Variants in PREX2 observed in about 807,000 individuals in gnomAD.
The protein encoded by PREX2 is phosphatidylinositol-3,4,5-trisphosphate dependent Rac exchange factor 2.
PREX2 carries 107 observed loss-of-function variants against 203.2 expected under a neutral mutation model. The ratio of observed to expected loss-of-function variants is 0.53; its 90% CI spans 0.45 to 0.62. The LOEUF (loss-of-function observed/expected upper bound fraction) is 0.62, where lower values mean the gene tolerates loss of function less well. PREX2 is among the 20% of genes least tolerant of loss of function. The pLI is 0.00. For synonymous variants in PREX2, 672 were observed against 663.6 expected (o/e 1.01, Z -0.19); for missense variants, 1,777 against 1,955.9 (o/e 0.91, Z 1.72).
intron 19 of PREX2, among the ~76,000 whole-genome samples, chr8:68,089,134 C>T (rs1408534470): frequency 6.6e-6 from 1 of 151,934 alleles, no homozygotes; most frequent in Non-Finnish European, 1.5e-5. Flanking sequence ...CCCTGCCTCC[C>T]ACCCTCAGCT....
chr8:68,056,723 C>T (rs1467603941), intron 10 of PREX2, among the ~76,000 whole-genome samples: 2 of 152,162 alleles, frequency 1.3e-5, no homozygotes, highest in African/African-American at 4.8e-5. Flanking sequence ...GATACAGAAA[C>T]TCTGGATCAG....
At chr8:68,183,496 A>G (rs988526167) in intron 35 of PREX2, among the ~76,000 whole-genome samples, 8 of 152,172 alleles carry the variant, frequency 5.3e-5, no homozygotes, top group African/African-American at 1.9e-4. Context: ...CCATGGAGAT[A>G]ATATTCCCTA....
At chr8:68,014,544 G>A (rs140488265) in intron 1 of PREX2, among the ~76,000 whole-genome samples, 1 of 152,206 alleles carries the variant, frequency 6.6e-6, no homozygotes, top group East Asian at 1.9e-4. Context: ...CTACCCTTCA[G>A]AGATTATTGT....
chr8:68,204,678 CTTTTTTTTTTT>C (rs1192583427), intron 37 of PREX2, among the ~76,000 whole-genome samples: 3 of 83,426 alleles, frequency 3.6e-5, no homozygotes, highest in African/African-American at 5.1e-5. Flanking sequence ...TTTCTTCTTT[CTTTTTTTTTTT>C]TTTTTTTTTT....
At chr8:68,091,292 A>G (rs981344102) in intron 20 of PREX2, among the ~76,000 whole-genome samples, 3 of 151,404 alleles carry the variant, frequency 2.0e-5, no homozygotes, top group African/African-American at 7.2e-5. Flanking sequence ...GTAGAACACT[A>G]TCCTTTGATC....
At chr8:68,140,868 A>G (rs962324827) in intron 33 of PREX2, among the ~76,000 whole-genome samples, 1 of 152,226 alleles carries the variant, frequency 6.6e-6, no homozygotes, top group Non-Finnish European at 1.5e-5. Flanking sequence ...AGCATCGCCT[A>G]TAATCTCACT....
rs761762865 is a variant in PREX2, at chr8:68,120,269, C to T, written c.3578C>T (p.Pro1193Leu). 35 of 1,613,348 alleles carry T rather than the reference C, an allele frequency of 2.2e-5. No individual in the cohort carries two copies. The highest frequency in any genetic ancestry group is 3.0e-5 in the Non-Finnish European group (35 of 1,179,428). Reference sequence around the variant, plus strand: ...TTTGACCAAACCAAGTATCTCACTCCAGGCCGAGGATTGCAAGGTAAGCCT... The same window carrying T: ...TTTGACCAAACCAAGTATCTCACTCTAGGCCGAGGATTGCAAGGTAAGCCT... ...RAFDQTKYLT[P>L]GRGLQEFQQE... Residue 1193 changes from proline (P) to leucine (L), a missense_variant, in exon 29 of 40, where the codon CCA (proline) becomes CTA (leucine). Physicochemically the swap from Pro to Leu is moderately conservative, Grantham distance 98. Coordinates refer to ENST00000288368, the MANE Select transcript of PREX2 (RefSeq NM_024870.4).
At chr8:68,033,160 A>G (rs1807937651) in intron 6 of PREX2, among the ~76,000 whole-genome samples, 1 of 152,192 alleles carries the variant, frequency 6.6e-6, no homozygotes, top group African/African-American at 2.4e-5. Context: ...TTGTTCTACT[A>G]AATTATTTAC....
chr8:68,219,795 G>GCCGATCCACAAGC (rs990779205), intron 38 of PREX2, among the ~76,000 whole-genome samples: 3 of 152,154 alleles, frequency 2.0e-5, no homozygotes, highest in African/African-American at 7.2e-5. Flanking sequence ...GTGGCTGAGG[G>GCCGATCCACAAGC]CCGATCCACA....
chr8:68,030,683 G>A (rs1305207042), intron 6 of PREX2, 25 bp downstream of exon 6: 1 of 1,611,644 alleles, frequency 6.2e-7, no homozygotes, highest in Non-Finnish European at 8.5e-7. Flanking sequence ...CTTGACAATC[G>A]AGCTTAAGAT....
chr8:67,998,998 T>G (rs550112234), intron 1 of PREX2, among the ~76,000 whole-genome samples: 2 of 152,314 alleles, frequency 1.3e-5, no homozygotes, highest in South Asian at 4.1e-4. Context: ...TTGTAACTTA[T>G]GTAGCTTGTT....
At chr8:67,974,848 T>G (rs1405582655) in intron 1 of PREX2, among the ~76,000 whole-genome samples, 1 of 152,226 alleles carries the variant, frequency 6.6e-6, no homozygotes, top group Non-Finnish European at 1.5e-5. Flanking sequence ...ACCTTCTTCA[T>G]GTAAGGATAT....
intron 39 of PREX2, 63 bp downstream of exon 39, chr8:68,224,689 C>A (rs990899021): frequency 1.0e-5 from 13 of 1,245,478 alleles, no homozygotes; most frequent in African/African-American, 1.5e-5. Context: ...CCGGCAGTGT[C>A]CCTCCGCTAA....
chr8:68,207,752 CTT>C (rs1027895620), intron 37 of PREX2, among the ~76,000 whole-genome samples: 4 of 152,072 alleles, frequency 2.6e-5, no homozygotes, highest in African/African-American at 9.7e-5. Flanking sequence ...GCTTCAGTAA[CTT>C]GCCCAAGGTC....
At chr8:68,028,041 G>C (rs1336133187) in intron 5 of PREX2, among the ~76,000 whole-genome samples, 1 of 151,990 alleles carries the variant, frequency 6.6e-6, no homozygotes, top group Non-Finnish European at 1.5e-5. Flanking sequence ...CTGGGATAGT[G>C]GTTAAGCACA....
chr8:68,035,219 A>G (rs1333098735), intron 6 of PREX2, among the ~76,000 whole-genome samples: 3 of 152,082 alleles, frequency 2.0e-5, no homozygotes, highest in African/African-American at 7.2e-5. Flanking sequence ...TTTTCATAGT[A>G]TTTTTTAAAG....
At chr8:67,999,267 CAGAATT>C (rs1806861498) in intron 1 of PREX2, among the ~76,000 whole-genome samples, 1 of 151,760 alleles carries the variant, frequency 6.6e-6, no homozygotes, top group South Asian at 2.1e-4. Flanking sequence ...TTCAAAGAAA[CAGAATT>C]AGAAACAACA....
intron 37 of PREX2, among the ~76,000 whole-genome samples, chr8:68,201,017 A>G (rs1222193654): frequency 6.6e-6 from 1 of 152,188 alleles, no homozygotes. Flanking sequence ...GGATAAATAC[A>G]GTATCTACTT....
At chr8:68,031,742 T>C (rs1017294063) in intron 6 of PREX2, among the ~76,000 whole-genome samples, 1 of 152,212 alleles carries the variant, frequency 6.6e-6, no homozygotes, top group African/African-American at 2.4e-5. Flanking sequence ...AAAATGGTTG[T>C]GTGTTTTACA....
Sources: allele counts gnomAD v4.1 joint callset (sites outside exome capture counted in the v4.1 genomes callset), GRCh38; gene constraint gnomAD v4.1.1; transcripts MANE v1.5; gene names NCBI Gene and HGNC (gene_info 2026-07-23, HGNC 2026-07-21).